The following RGS6 variants were observed in gnomAD, a reference collection of about 807,000 sequenced individuals.
The protein encoded by RGS6 is regulator of G-protein signaling 6.
In RGS6, 30 loss-of-function variants were observed where a neutral mutation model predicts 78.5. The ratio of observed to expected loss-of-function variants is 0.38; its 90% CI spans 0.29 to 0.52. The LOEUF is 0.52. Among genes scored for constraint, RGS6 ranks in the 20% least tolerant of loss-of-function variants. The pLI, the probability that RGS6 is intolerant of heterozygous loss-of-function variation, is 0.85. For synonymous variants in RGS6, 206 were observed against 206.0 expected (o/e 1.00, Z 0.00); for missense variants, 495 against 609.7 (o/e 0.81, Z 1.98).
intron 2 of RGS6, among the ~76,000 whole-genome samples, chr14:71,998,022 C>G (rs1192668257): frequency 6.6e-6 from 1 of 152,108 alleles, no homozygotes; most frequent in African/African-American, 2.4e-5. Flanking sequence ...GAGGGCCTGA[C>G]GACGTGCTCA....
At chr14:72,436,006 A>C (rs1487152793) in intron 3 of RGS6, among the ~76,000 whole-genome samples, 1 of 152,088 alleles carries the variant, frequency 6.6e-6, no homozygotes, top group Non-Finnish European at 1.5e-5. Context: ...AGAGTATGGC[A>C]TTTTCAGAAA....
intron 2 of RGS6, among the ~76,000 whole-genome samples, chr14:72,204,169 T>G (rs1301604838): frequency 6.6e-6 from 1 of 152,186 alleles, no homozygotes; most frequent in Non-Finnish European, 1.5e-5. Flanking sequence ...ATTAAGTATA[T>G]TCACTGTGTT....
At chr14:72,098,970 G>A (rs1395053655) in intron 2 of RGS6, among the ~76,000 whole-genome samples, 1 of 152,070 alleles carries the variant, frequency 6.6e-6, no homozygotes, top group East Asian at 1.9e-4. Context: ...CATTTTAAGG[G>A]GCATCAGTCT....
chr14:72,164,126 A>G (rs2096891974), intron 2 of RGS6, among the ~76,000 whole-genome samples: 1 of 152,124 alleles, frequency 6.6e-6, no homozygotes, highest in Non-Finnish European at 1.5e-5. Flanking sequence ...GCCCTCTACC[A>G]GTCTGCCGTG....
chr14:72,185,120 C>T (rs1218154569), intron 2 of RGS6, among the ~76,000 whole-genome samples: 1 of 152,100 alleles, frequency 6.6e-6, no homozygotes, highest in East Asian at 1.9e-4. Context: ...AAGCATCCAG[C>T]GTGGGAGAAA....
intron 2 of RGS6, among the ~76,000 whole-genome samples, chr14:72,217,419 G>A (rs2045853781): frequency 6.6e-6 from 1 of 152,150 alleles, no homozygotes; most frequent in Non-Finnish European, 1.5e-5. Flanking sequence ...AAGACCTCTA[G>A]CATGAGAATC....
At chr14:71,981,661 G>C (rs1170987111) in intron 2 of RGS6, among the ~76,000 whole-genome samples, 1 of 151,716 alleles carries the variant, frequency 6.6e-6, no homozygotes. Flanking sequence ...CTCCAGCTGC[G>C]TGCTGGGAGA....
chr14:72,139,284 A>C (rs999276852), intron 2 of RGS6, among the ~76,000 whole-genome samples: 2 of 152,334 alleles, frequency 1.3e-5, no homozygotes, highest in Admixed American at 6.5e-5. Context: ...GTTTTCTAAC[A>C]CTTCTGTCAA....
chr14:72,002,005 T>A (rs1357460635), intron 2 of RGS6, among the ~76,000 whole-genome samples: 3 of 147,520 alleles, frequency 2.0e-5, no homozygotes, highest in Non-Finnish European at 4.4e-5. Context: ...TGGGCTCAAG[T>A]GATCCTCCCT....
rs80215433 is a variant in RGS6, at chr14:72,479,845, C to T, written c.854+1516C>T. On this transcript the variant is annotated intron_variant, in intron 12 of 17. Coordinates refer to ENST00000553525, the MANE Select transcript of RGS6 (RefSeq NM_001204424.2). ...GTCATCCATGGCCTGTGAGGAACCACGAGCTTCTTTCTCTGTGAACTAGGG... is the reference window on the plus strand; with the variant it reads ...GTCATCCATGGCCTGTGAGGAACCATGAGCTTCTTTCTCTGTGAACTAGGG... Among the ~76,000 whole-genome samples the T allele has an allele frequency of 1.9e-4, 29 of 152,304 alleles. 1 individual carries two copies. The East Asian group carries it at 5.0e-3, about 26-fold the overall frequency.
intron 2 of RGS6, among the ~76,000 whole-genome samples, chr14:72,227,001 A>G (rs2048291634): frequency 1.3e-5 from 2 of 152,180 alleles, no homozygotes; most frequent in South Asian, 4.1e-4. Context: ...TGTTGAGGAC[A>G]CCAAACAAAT....
Position 72,051,544 on chromosome 14 carries a change from A to G in RGS6, c.84+86669A>G, listed in dbSNP as rs187489007. ...TTAAGGTATGAAAATAAAACAAACA[A>G]AAGTCTGCACCTGCAAAGGAAACTT... On this transcript the variant is annotated intron_variant, in intron 2 of 17. Transcript: ENST00000553525. 2.7e-4 allele frequency among the ~76,000 whole-genome samples: 41 copies of G among 152,316 alleles called. 2 individuals are homozygous for G. The highest frequency in any genetic ancestry group is 8.7e-4 in the African/African-American group (36 of 41,572).
At chr14:72,487,720 C>T (rs1470469242) in intron 12 of RGS6, among the ~76,000 whole-genome samples, 1 of 152,224 alleles carries the variant, frequency 6.6e-6, no homozygotes, top group African/African-American at 2.4e-5. Flanking sequence ...CCAGAAGGAA[C>T]ATCGCCCTGC....
chr14:71,904,941 C>T, the RGS6 span, among the ~76,000 whole-genome samples: 3 of 151,800 alleles, frequency 2.0e-5, no homozygotes, highest in Non-Finnish European at 4.4e-5. Context: ...ATAGTTTTTC[C>T]TCAGGCAACT....
chr14:72,258,234 C>G (rs1425217835), intron 2 of RGS6, among the ~76,000 whole-genome samples: 1 of 152,218 alleles, frequency 6.6e-6, no homozygotes, highest in African/African-American at 2.4e-5. Flanking sequence ...GTATACACCA[C>G]TATACACCAC....
At chr14:72,356,871 C>T (rs2080410733) in intron 3 of RGS6, among the ~76,000 whole-genome samples, 2 of 152,166 alleles carry the variant, frequency 1.3e-5, no homozygotes, top group Non-Finnish European at 2.9e-5. Context: ...AACATATGTC[C>T]TTTATAAATT....
intron 2 of RGS6, among the ~76,000 whole-genome samples, chr14:72,031,751 C>G (rs2090930924): frequency 6.6e-6 from 1 of 152,196 alleles, no homozygotes; most frequent in South Asian, 2.1e-4. Flanking sequence ...GCCATGCTAA[C>G]TTCAAAGAAG....
chr14:72,145,378 T>C (rs2096594368), intron 2 of RGS6, among the ~76,000 whole-genome samples: 1 of 152,184 alleles, frequency 6.6e-6, no homozygotes, highest in South Asian at 2.1e-4. Flanking sequence ...CAAAGTTAGT[T>C]CAGCCTACGC....
At chr14:72,550,584 G>A in intron 17 of RGS6, 5 of 1,535,318 alleles carry the variant, frequency 3.3e-6, no homozygotes, top group Middle Eastern at 1.7e-4. Flanking sequence ...AGCAAAAGTG[G>A]TGGGGGAATT....
Sources: gnomAD v4.1 joint callset for allele counts (sites outside exome capture counted in the v4.1 genomes callset) on GRCh38, gnomAD v4.1.1 for gene constraint, MANE v1.5 for transcripts, NCBI Gene and HGNC (gene_info 2026-07-23, HGNC 2026-07-21) for gene names.